The following CDH18 variants were observed in gnomAD, a reference collection of about 807,000 sequenced individuals.
The protein encoded by CDH18 is cadherin 18, also known as cadherin-18.
Under a neutral mutation model 67.9 loss-of-function variants are expected in CDH18, and 31 were observed. That is an observed-to-expected ratio of 0.46 (90% confidence interval 0.34 to 0.62). The LOEUF (loss-of-function observed/expected upper bound fraction) is 0.62. Among genes scored for constraint, CDH18 ranks in the 20% least tolerant of loss-of-function variants. The pLI is 0.01. For synonymous variants in CDH18, 362 were observed against 347.2 expected (o/e 1.04, Z -0.48); for missense variants, 890 against 975.5 (o/e 0.91, Z 1.17).
intron 1 of CDH18, among the ~76,000 whole-genome samples, chr5:20,552,905 C>T (rs1265923602): frequency 6.6e-6 from 1 of 152,026 alleles, no homozygotes; most frequent in African/African-American, 2.4e-5. Context: ...CAGGCGTGCT[C>T]CATCATGCAC....
intron 2 of CDH18, among the ~76,000 whole-genome samples, chr5:20,068,579 TATCTC>T (rs1451342186): frequency 2.0e-5 from 3 of 152,140 alleles, no homozygotes; most frequent in African/African-American, 7.2e-5. Context: ...ACTTGGTTGT[TATCTC>T]TACAAGTTTT....
intron 2 of CDH18, among the ~76,000 whole-genome samples, chr5:20,197,200 T>C (rs1295448738): frequency 6.6e-6 from 1 of 152,026 alleles, no homozygotes; most frequent in Non-Finnish European, 1.5e-5. Context: ...TTAGTAGAGA[T>C]GGGGTTTCAC....
chr5:20,279,745 C>T (rs765078455), intron 1 of CDH18, among the ~76,000 whole-genome samples: 17 of 116,634 alleles, frequency 1.5e-4, no homozygotes, highest in Non-Finnish European at 2.8e-4. Flanking sequence ...ACTGTAAGAG[C>T]GAGATAGGCT....
intron 2 of CDH18, among the ~76,000 whole-genome samples, chr5:19,930,778 G>A (rs903215805): frequency 4.0e-5 from 6 of 151,884 alleles, no homozygotes; most frequent in Admixed American, 2.0e-4. Flanking sequence ...CATAAGATCC[G>A]TAATATATTT....
intron 5 of CDH18, among the ~76,000 whole-genome samples, chr5:19,710,774 G>A (rs1479916149): frequency 6.6e-6 from 1 of 152,014 alleles, no homozygotes; most frequent in Admixed American, 6.6e-5. Context: ...TGTAGTTAAA[G>A]TTAGATAATG....
chr5:20,228,030 A>G (rs914233477), intron 2 of CDH18, among the ~76,000 whole-genome samples: 8 of 152,166 alleles, frequency 5.3e-5, no homozygotes, highest in Non-Finnish European at 1.2e-4. Context: ...TCCAATGTTC[A>G]TCATCTACAT....
At chr5:20,074,730 T>TA (rs1408254818) in intron 2 of CDH18, among the ~76,000 whole-genome samples, 6 of 58,280 alleles carry the variant, frequency 1.0e-4, no homozygotes, top group Non-Finnish European at 2.1e-4. Flanking sequence ...TACAATAGTT[T>TA]GGGGTTTTTT....
At chr5:20,515,718 C>A (rs1417931147) in intron 1 of CDH18, among the ~76,000 whole-genome samples, 2 of 148,582 alleles carry the variant, frequency 1.3e-5, no homozygotes, top group Non-Finnish European at 2.9e-5. Context: ...AGAACAATTA[C>A]TAGCTAATTG....
chr5:19,735,852 T>C (rs1321566523), intron 4 of CDH18, among the ~76,000 whole-genome samples: 1 of 152,182 alleles, frequency 6.6e-6, no homozygotes, highest in Non-Finnish European at 1.5e-5. Flanking sequence ...TCTAATATAG[T>C]TTCATGCATA....
chr5:20,116,063 T>C (rs888329409), intron 2 of CDH18, among the ~76,000 whole-genome samples: 1 of 152,194 alleles, frequency 6.6e-6, no homozygotes, highest in Non-Finnish European at 1.5e-5. Context: ...GTATTGTATC[T>C]TTCTTAGAAG....
intron 1 of CDH18, among the ~76,000 whole-genome samples, chr5:20,462,496 T>G (rs1413805524): frequency 6.6e-6 from 1 of 152,158 alleles, no homozygotes; most frequent in African/African-American, 2.4e-5. Flanking sequence ...ACAGAGAACT[T>G]GAAATGTTCC....
chr5:20,026,056 C>T (rs1240202954), intron 2 of CDH18, among the ~76,000 whole-genome samples: 4 of 152,130 alleles, frequency 2.6e-5, no homozygotes, highest in Admixed American at 2.6e-4. Flanking sequence ...TTTTTCTATT[C>T]TACGCTTGTC....
chr5:20,109,955 T>C (rs1417147681), intron 2 of CDH18, among the ~76,000 whole-genome samples: 1 of 152,230 alleles, frequency 6.6e-6, no homozygotes, highest in Non-Finnish European at 1.5e-5. Flanking sequence ...GGTATTGTTC[T>C]TTAATGTTAT....
At chr5:19,855,222 TG>T (rs886380938) in intron 2 of CDH18, among the ~76,000 whole-genome samples, 1 of 152,114 alleles carries the variant, frequency 6.6e-6, no homozygotes, top group African/African-American at 2.4e-5. Flanking sequence ...GTTTCCTATG[TG>T]TTTATAAGAA....
chr5:19,732,414 T>G (rs1767730293), intron 4 of CDH18, among the ~76,000 whole-genome samples: 1 of 152,066 alleles, frequency 6.6e-6, no homozygotes, highest in South Asian at 2.1e-4. Flanking sequence ...ATCATGCCAC[T>G]GCACTCCAGT....
intron 2 of CDH18, among the ~76,000 whole-genome samples, chr5:20,174,884 A>C (rs1737111437): frequency 6.6e-6 from 1 of 152,176 alleles, no homozygotes; most frequent in South Asian, 2.1e-4. Flanking sequence ...TTGTTATATA[A>C]TGTTGACTTT....
intron 9 of CDH18, among the ~76,000 whole-genome samples, chr5:19,543,377 T>C (rs1735743465): frequency 1.3e-5 from 2 of 152,284 alleles, no homozygotes; most frequent in South Asian, 2.1e-4. Flanking sequence ...GAAGAGAGCC[T>C]AAACCTGGCT....
intron 2 of CDH18, among the ~76,000 whole-genome samples, chr5:20,002,335 T>C (rs1736515497): frequency 6.6e-6 from 1 of 152,308 alleles, no homozygotes; most frequent in South Asian, 2.1e-4. Context: ...GAAACAAATC[T>C]TTAGACTTTG....
At chr5:19,994,315 A>G (rs1339334318) in intron 2 of CDH18, among the ~76,000 whole-genome samples, 1 of 151,464 alleles carries the variant, frequency 6.6e-6, no homozygotes, top group Non-Finnish European at 1.5e-5. Context: ...ACATATATGT[A>G]TACATATATA....
Sources: allele counts gnomAD v4.1 joint callset (sites outside exome capture counted in the v4.1 genomes callset), GRCh38; gene constraint gnomAD v4.1.1; transcripts MANE v1.5; gene names NCBI Gene and HGNC (gene_info 2026-07-23, HGNC 2026-07-21).